ARID1B: variants seen among roughly 807,000 people sequenced by gnomAD.
The protein encoded by ARID1B is AT-rich interactive domain-containing protein 1B.
Under a neutral mutation model 212.3 loss-of-function variants are expected in ARID1B, and 30 were observed. The observed-to-expected ratio is 0.14, with a 90% confidence interval of 0.11 to 0.19. The LOEUF is 0.19. ARID1B is among the 10% of genes least tolerant of loss of function. The pLI is 1.00. For missense variants in ARID1B, 2,891 were observed against 3,204.0 expected (o/e 0.90, Z 2.36); for synonymous variants, 1,402 against 1,301.7 (o/e 1.08, Z -1.66).
At chr6:156,919,770 G>A (rs113264200) in intron 3 of ARID1B, among the ~76,000 whole-genome samples, 1 of 152,342 alleles carries the variant, frequency 6.6e-6, no homozygotes, top group South Asian at 2.1e-4. Context: ...GTTCAAGGCT[G>A]CAGTGAGCTC....
chr6:156,904,676 TC>T (rs1789222194), intron 3 of ARID1B, among the ~76,000 whole-genome samples: 1 of 152,218 alleles, frequency 6.6e-6, no homozygotes, highest in African/African-American at 2.4e-5. Flanking sequence ...GCACCCTAAA[TC>T]CCAATGTCTG....
At chr6:157,168,377 C>G (rs1447754942) in intron 9 of ARID1B, 1 of 152,188 alleles carries the variant, frequency 6.6e-6, no homozygotes, top group African/African-American at 2.4e-5. Context: ...TTCTCCATCA[C>G]AGTTTGGTGG....
chr6:156,950,643 G>A (rs984023669), intron 4 of ARID1B, among the ~76,000 whole-genome samples: 4 of 152,110 alleles, frequency 2.6e-5, no homozygotes, highest in Non-Finnish European at 5.9e-5. Context: ...TGGTTTTTTA[G>A]CGCTGCTCTT....
chr6:156,871,009 T>C (rs1184999408), intron 2 of ARID1B, among the ~76,000 whole-genome samples: 1 of 152,260 alleles, frequency 6.6e-6, no homozygotes, highest in Admixed American at 6.5e-5. Flanking sequence ...CGTTTGGATT[T>C]CCTAGCATTA....
chr6:156,906,688 TCCGCTGG>T (rs1789420683), intron 3 of ARID1B, among the ~76,000 whole-genome samples: 1 of 151,652 alleles, frequency 6.6e-6, no homozygotes, highest in Admixed American at 6.6e-5. Context: ...AACCATGCAG[TCCGCTGG>T]CTCTTCTGCC....
At position 156,778,015 on chromosome 6, in the gene ARID1B, G is replaced by C; in HGVS notation, c.335G>C (p.Gly112Ala). 6.5e-7 allele frequency: 1 copy of C among 1,533,244 alleles called. No individual in the cohort carries two copies. Among genetic ancestry groups the C allele is most frequent in the Non-Finnish European group, 8.7e-7 (1 of 1,145,388 alleles). 95.0% of individuals were successfully genotyped at this position (1,533,244 alleles called of 1,614,324 possible). Residue 112 changes from glycine (G) to alanine (A), a missense_variant, in exon 1 of 20, where the codon GGA (glycine) becomes GCA (alanine). By Grantham distance (60) the Gly-to-Ala change is moderately conservative (BLOSUM62 0). Coordinates refer to ENST00000636930, the MANE Select transcript of ARID1B (RefSeq NM_001374828.1). ...TCCGAGGCGGCTCTCAAGGAGGGTG[G>C]AAGCGCCGCCGCGCTGTCCTCCTCC... ...GGSEAALKEGGSAAALSSSSS... is the reference protein window; with the variant it reads ...GGSEAALKEGASAAALSSSSS...
intron 4 of ARID1B, among the ~76,000 whole-genome samples, chr6:156,990,173 CTTTTTTTT>C (rs11156127): frequency 7.4e-6 from 1 of 134,798 alleles, no homozygotes; most frequent in African/African-American, 2.8e-5. Flanking sequence ...ATTTCCTTAA[CTTTTTTTT>C]TTTTTTTTTT....
intron 1 of ARID1B, among the ~76,000 whole-genome samples, chr6:156,802,669 T>G (rs898015605): frequency 6.6e-6 from 1 of 152,226 alleles, no homozygotes; most frequent in African/African-American, 2.4e-5. Context: ...GGGCTTTGAT[T>G]TCTAATGTAG....
At chr6:156,904,264 CT>C (rs1291103033) in intron 3 of ARID1B, among the ~76,000 whole-genome samples, 5 of 152,162 alleles carry the variant, frequency 3.3e-5, no homozygotes, top group African/African-American at 9.7e-5. Flanking sequence ...TCATCCCCTT[CT>C]TTTACTCACT....
At chr6:157,169,904 G>C (rs1281735741) in intron 9 of ARID1B, 1 of 152,196 alleles carries the variant, frequency 6.6e-6, no homozygotes, top group Non-Finnish European at 1.5e-5. Flanking sequence ...CCAGAAGTGA[G>C]TCCTTCTGCT....
chr6:156,944,945 C>CA (rs1231941039), intron 4 of ARID1B, among the ~76,000 whole-genome samples: 1 of 140,598 alleles, frequency 7.1e-6, no homozygotes, highest in Non-Finnish European at 1.5e-5. Context: ...TTTTTTGAGA[C>CA]GGAGTCTCGC....
At chr6:157,082,483 T>A (rs1473241910) in intron 4 of ARID1B, among the ~76,000 whole-genome samples, 2 of 152,190 alleles carry the variant, frequency 1.3e-5, no homozygotes, top group South Asian at 4.1e-4. Flanking sequence ...TCATAAGGAT[T>A]AGCATAAATG....
intron 2 of ARID1B, among the ~76,000 whole-genome samples, chr6:156,876,959 A>T (rs1786610521): frequency 6.6e-6 from 1 of 152,040 alleles, no homozygotes; most frequent in Admixed American, 6.6e-5. Context: ...CAGTGGCGTG[A>T]TCTCGGCTCA....
chr6:157,109,187 G>A (rs1184086236), intron 5 of ARID1B, among the ~76,000 whole-genome samples: 1 of 152,126 alleles, frequency 6.6e-6, no homozygotes, highest in Non-Finnish European at 1.5e-5. Flanking sequence ...AACCACAAGA[G>A]GGTTGGTTGT....
At chr6:156,936,648 A>G (rs1450438563) in intron 4 of ARID1B, 2 of 138,996 alleles carry the variant, frequency 1.4e-5, no homozygotes, top group African/African-American at 5.7e-5. Context: ...AAACAGAGCG[A>G]GACTCCATCT....
At chr6:156,834,808 C>T (rs572123227) in intron 2 of ARID1B, among the ~76,000 whole-genome samples, 15 of 152,272 alleles carry the variant, frequency 9.9e-5, no homozygotes, top group African/African-American at 3.6e-4. Flanking sequence ...AGTTGTTCTT[C>T]AGCAGTGAAC....
intron 1 of ARID1B, among the ~76,000 whole-genome samples, chr6:156,781,304 G>C (rs566517083): frequency 6.1e-4 from 93 of 151,434 alleles, no homozygotes; most frequent in Non-Finnish European, 1.2e-3. Flanking sequence ...TCATTGTTTT[G>C]TTAGATTAGG....
intron 4 of ARID1B, among the ~76,000 whole-genome samples, chr6:156,988,901 C>G (rs1282095556): frequency 6.6e-6 from 1 of 152,146 alleles, no homozygotes; most frequent in Non-Finnish European, 1.5e-5. Flanking sequence ...TGCATATGTG[C>G]GTTCTTACAA....
rs144450782 is a variant in ARID1B at position 156,798,760 on chromosome 6, T to G, written c.1791+19289T>G. ...GTGTCTGGAGAAACTTCATAGAGATTATTGCATTTGGGGAGTTAGTTTTGG... is the reference window on the plus strand; with the variant it reads ...GTGTCTGGAGAAACTTCATAGAGATGATTGCATTTGGGGAGTTAGTTTTGG... On this transcript the variant is annotated intron_variant, in intron 1 of 19. Transcript: ENST00000636930. Among the ~76,000 whole-genome samples, 495 of 152,356 alleles carry G rather than the reference T, an allele frequency of 3.2e-3. 7 individuals are homozygous for G. Among genetic ancestry groups the G allele is most frequent in the East Asian group, 0.022 (114 of 5,182 alleles).
Sources: allele counts gnomAD v4.1 joint callset (sites outside exome capture counted in the v4.1 genomes callset), GRCh38; gene constraint gnomAD v4.1.1; transcripts MANE v1.5; gene names NCBI Gene and HGNC (gene_info 2026-07-23, HGNC 2026-07-21).